The following PIK3R1 variants were observed in gnomAD, a reference collection of about 807,000 sequenced individuals.
The protein encoded by PIK3R1 is phosphatidylinositol 3-kinase regulatory subunit alpha.
Under a neutral mutation model 98.0 loss-of-function variants are expected in PIK3R1, and 29 were observed. The observed-to-expected ratio is 0.30, with a 90% CI of 0.22 to 0.40. The LOEUF (loss-of-function observed/expected upper bound fraction) is 0.40. Ranked by LOEUF, PIK3R1 falls within the 10% of genes least tolerant of loss-of-function variation. The pLI is 1.00. For synonymous variants in PIK3R1, 282 were observed against 311.8 expected, an observed-to-expected ratio of 0.90 and a Z score of 1.01; for missense variants, 596 against 872.7, an observed-to-expected ratio of 0.68 and a Z score of 3.99.
intron 2 of PIK3R1, among the ~76,000 whole-genome samples, chr5:68,241,202 G>T (rs552163296): frequency 6.6e-5 from 10 of 151,932 alleles, no homozygotes; most frequent in African/African-American, 2.2e-4. Flanking sequence ...AGTAATTAAG[G>T]CCTCCTAAAA....
At chr5:68,235,652 G>A (rs995574084) in intron 2 of PIK3R1, among the ~76,000 whole-genome samples, 1 of 151,970 alleles carries the variant, frequency 6.6e-6, no homozygotes, top group African/African-American at 2.4e-5. Context: ...AGAAGTATTT[G>A]AAGAAGTTAG....
chr5:68,297,651 C>T lies in PIK3R1; in HGVS notation c.*50C>T, dbSNP rs1747805415. 1 of 1,512,442 alleles carries T rather than the reference C, an allele frequency of 6.6e-7. No homozygotes were observed. Among genetic ancestry groups the T allele is most frequent in the Non-Finnish European group, 9.1e-7 (1 of 1,099,626 alleles). The allele number at this position is 1,512,442 out of a possible 1,614,324, so 93.7% of individuals were successfully genotyped here. On this transcript the variant is annotated 3_prime_UTR_variant, in exon 16 of 16. Transcript: ENST00000521381. Reference sequence around the variant, plus strand: ...CTGAAGTTCAGCCACCCTGAGGCCTCTGGAAAGCAAAGGGCTCCTCTCCAG... The same window carrying T: ...CTGAAGTTCAGCCACCCTGAGGCCTTTGGAAAGCAAAGGGCTCCTCTCCAG...
chr5:68,222,039 G>T (rs919338520), intron 1 of PIK3R1, among the ~76,000 whole-genome samples: 41 of 152,276 alleles, frequency 2.7e-4, no homozygotes, highest in African/African-American at 8.4e-4. Context: ...TCACAAAACT[G>T]CCTTGGTTAT....
chr5:68,234,345 G>A (rs1744587995), intron 2 of PIK3R1, among the ~76,000 whole-genome samples: 1 of 152,188 alleles, frequency 6.6e-6, no homozygotes, highest in Non-Finnish European at 1.5e-5. Context: ...CAGAAGCCCT[G>A]TATATGAGAA....
At chr5:68,283,262 G>A (rs1746924946) in intron 7 of PIK3R1, among the ~76,000 whole-genome samples, 1 of 152,172 alleles carries the variant, frequency 6.6e-6, no homozygotes. Flanking sequence ...CTCTGTTATA[G>A]GGCAGATAGA....
rs763477941 is a variant in PIK3R1 at position 68,296,213 on chromosome 5, T to C, written c.1857T>C (p.His619=). 1.2e-6 allele frequency: 2 copies of C among 1,614,166 alleles called. No homozygotes were observed. Among genetic ancestry groups the C allele is most frequent in the Non-Finnish European group, 8.5e-7 (1 of 1,180,016 alleles). ...LVEDDEDLPH[H]DEKTWNVGSS... ...AAGATGATGAAGATTTGCCCCATCATGATGAGAAGACATGGAATGTTGGAA... is the reference window on the plus strand; with the variant it reads ...AAGATGATGAAGATTTGCCCCATCACGATGAGAAGACATGGAATGTTGGAA... The change falls in exon 15 of 16, where the codon CAT becomes CAC. Residue 619 remains histidine (H), a synonymous_variant. Coordinates refer to ENST00000521381, the MANE Select transcript of PIK3R1 (RefSeq NM_181523.3).
intron 2 of PIK3R1, among the ~76,000 whole-genome samples, chr5:68,251,968 C>G (rs1745327817): frequency 6.6e-6 from 1 of 152,124 alleles, no homozygotes; most frequent in African/African-American, 2.4e-5. Flanking sequence ...TTGGAAAGCA[C>G]TGCCTCAAGT....
intron 7 of PIK3R1, among the ~76,000 whole-genome samples, chr5:68,286,346 A>G (rs71630405): frequency 0.22 from 33,304 of 152,130 alleles, 3,819 homozygotes; most frequent in South Asian, 0.26. Flanking sequence ...AGCTTCGTGA[A>G]AACTGTACTT....
At chr5:68,240,661 CTG>C (rs1188258297) in intron 2 of PIK3R1, among the ~76,000 whole-genome samples, 3 of 152,210 alleles carry the variant, frequency 2.0e-5, no homozygotes, top group African/African-American at 7.2e-5. Flanking sequence ...GTCACTGTAA[CTG>C]TTTTTTATCC....
intron 2 of PIK3R1, among the ~76,000 whole-genome samples, chr5:68,266,343 C>T (rs1746121996): frequency 6.6e-6 from 1 of 152,204 alleles, no homozygotes; most frequent in Non-Finnish European, 1.5e-5. Context: ...CAAGTTTGCC[C>T]TCAGCCAGAG....
Position 68,244,512 on chromosome 5 carries a change from A to ACTG in PIK3R1, c.334+17504_334+17505insTGC, listed in dbSNP as rs1390340649. On this transcript the variant is annotated intron_variant, in intron 2 of 15. Coordinates refer to ENST00000521381, the MANE Select transcript of PIK3R1 (RefSeq NM_181523.3). ...TTTTAGGGCCGCCTATTTCTCTAGG[A>ACTG]CCGCCCCCCCGCCCCCCGCCGCCGC... Among the ~76,000 whole-genome samples, 127 of 20,950 alleles carry ACTG rather than the reference A, an allele frequency of 6.1e-3. 49 individuals are homozygous for ACTG. The highest frequency in any genetic ancestry group is 0.012 in the African/African-American group (25 of 2,074). 13.7% of individuals were successfully genotyped at this position (20,950 alleles called of 152,430 possible). A position where few individuals can be genotyped will look rare whatever the true frequency, so the allele number is the denominator to read the frequency against.
At chr5:68,242,818 T>C (rs920582832) in intron 2 of PIK3R1, among the ~76,000 whole-genome samples, 6 of 152,178 alleles carry the variant, frequency 3.9e-5, no homozygotes, top group Non-Finnish European at 7.4e-5. Flanking sequence ...AGCGTGACTA[T>C]CCAGGGAAAG....
At position 68,281,004 on chromosome 5, in the gene PIK3R1, C is replaced by T; in HGVS notation, c.914C>T (p.Pro305Leu). The change falls in exon 7 of 16, where the codon CCA becomes CTA. Residue 305 changes from proline to leucine, a missense_variant and splice_region_variant. Pro to Leu is a moderately conservative substitution (Grantham distance 98). Transcript: ENST00000521381. ...STEWNERQPA[P>L]ALPPKPPKPT... The stretch of plus-strand genomic sequence containing the variant: ...GAATGGAATGAACGACAGCCTGCAC[C>T]AGGTAATGCTTTTTGAGCATTTAAC... 6.3e-7 allele frequency: 1 copy of T among 1,585,016 alleles called. No homozygotes were observed. Among genetic ancestry groups the T allele is most frequent in the Non-Finnish European group, 8.6e-7 (1 of 1,166,238 alleles).
At chr5:68,227,978 T>TGA (rs1561258955) in intron 2 of PIK3R1, among the ~76,000 whole-genome samples, 2 of 152,250 alleles carry the variant, frequency 1.3e-5, no homozygotes, top group Non-Finnish European at 2.9e-5. Context: ...AGACAAGCCT[T>TGA]ATGCTCAGCT....
At position 68,301,472 on chromosome 5, in the gene PIK3R1, A is replaced by G. The variant is rs9687541; in HGVS notation, c.*3871A>G. 4.9e-3 allele frequency: 684 copies of G among 139,416 alleles called. 9 individuals carry two copies. The highest frequency in any genetic ancestry group is 8.8e-3 in the Admixed American group (119 of 13,554). 8.6% of individuals were successfully genotyped at this position (139,416 alleles called of 1,614,324 possible). A position where few individuals can be genotyped will look rare whatever the true frequency, so the allele number is the denominator to read the frequency against. On this transcript the variant is annotated 3_prime_UTR_variant, in exon 16 of 16. Coordinates refer to ENST00000521381, the MANE Select transcript of PIK3R1 (RefSeq NM_181523.3). ...TATATATATGTGTATATATATATGT[A>G]TATACATATATGTATATATATGCAC...
chr5:68,235,665 C>A (rs1744638280), intron 2 of PIK3R1, among the ~76,000 whole-genome samples: 1 of 151,704 alleles, frequency 6.6e-6, no homozygotes, highest in African/African-American at 2.4e-5. Context: ...GAAGTTAGAA[C>A]AAGATGATTT....
chr5:68,266,974 C>T (rs1263465751), intron 2 of PIK3R1, among the ~76,000 whole-genome samples: 6 of 152,074 alleles, frequency 3.9e-5, no homozygotes, highest in East Asian at 1.9e-4. Context: ...TTTTTGGGGG[C>T]TTCTGGGTCA....
chr5:68,235,401 AAAATAAATAAAT>A (rs145734363), intron 2 of PIK3R1, among the ~76,000 whole-genome samples: 254 of 145,402 alleles, frequency 1.7e-3, no homozygotes, highest in African/African-American at 3.9e-3. Flanking sequence ...AAAGTGTCTC[AAAATAAATAAAT>A]AAATAAATAA....
intron 1 of PIK3R1, among the ~76,000 whole-genome samples, chr5:68,220,639 C>T (rs547561035): frequency 6.6e-6 from 1 of 152,286 alleles, no homozygotes; most frequent in African/African-American, 2.4e-5. Context: ...TCCCTCGCCC[C>T]ACAAACACAA....
Sources: allele counts gnomAD v4.1 joint callset (sites outside exome capture counted in the v4.1 genomes callset), GRCh38; gene constraint gnomAD v4.1.1; transcripts MANE v1.5; gene names NCBI Gene and HGNC (gene_info 2026-07-23, HGNC 2026-07-21).